Variants in PRDM16 observed in about 807,000 individuals in gnomAD.
PRDM16 encodes histone-lysine N-methyltransferase PRDM16.
A neutral mutation model predicts 110.6 loss-of-function variants in PRDM16; 23 were observed. The observed-to-expected ratio is 0.21, with a 90% CI of 0.15 to 0.29. The LOEUF (loss-of-function observed/expected upper bound fraction) is 0.29, where lower values mean the gene tolerates loss of function less well. Among genes scored for constraint, PRDM16 ranks in the 10% least tolerant of loss-of-function variants. The pLI, the probability that PRDM16 is intolerant of heterozygous loss-of-function variation, is 1.00. For synonymous variants in PRDM16, 799 were observed against 781.8 expected, an observed-to-expected ratio of 1.02 and a Z score of -0.37; for missense variants, 1,615 against 1,794.3, an observed-to-expected ratio of 0.90 and a Z score of 1.81.
At chr1:3,393,988 G>C (rs1481340704) in intron 4 of PRDM16, among the ~76,000 whole-genome samples, 1 of 152,168 alleles carries the variant, frequency 6.6e-6, no homozygotes, top group African/African-American at 2.4e-5. Flanking sequence ...GGCCCGGCGC[G>C]CTAGACCCTC....
At chr1:3,297,575 C>T (rs1346921103) in intron 3 of PRDM16, among the ~76,000 whole-genome samples, 8 of 152,084 alleles carry the variant, frequency 5.3e-5, no homozygotes, top group Non-Finnish European at 8.8e-5. Flanking sequence ...CGAACCACTG[C>T]GCCCGGCCTG....
intron 3 of PRDM16, among the ~76,000 whole-genome samples, chr1:3,317,846 C>G (rs1026295178): frequency 3.3e-5 from 5 of 152,246 alleles, no homozygotes; most frequent in Admixed American, 6.5e-5. Flanking sequence ...GGCTGGTTAA[C>G]TTCATATCCC....
At chr1:3,406,821 A>G (rs1219899097) in intron 8 of PRDM16, among the ~76,000 whole-genome samples, 2 of 152,242 alleles carry the variant, frequency 1.3e-5, no homozygotes, top group African/African-American at 4.8e-5. Flanking sequence ...TGCAGGGACT[A>G]TGACCCTGAT....
At chr1:3,348,161 G>A (rs891781487) in intron 3 of PRDM16, among the ~76,000 whole-genome samples, 1 of 152,184 alleles carries the variant, frequency 6.6e-6, no homozygotes, top group Admixed American at 6.5e-5. Flanking sequence ...GTCCCAGCCT[G>A]GGGGGTCTGG....
intron 3 of PRDM16, among the ~76,000 whole-genome samples, chr1:3,250,994 T>C (rs2100217900): frequency 6.6e-6 from 1 of 152,332 alleles, no homozygotes; most frequent in East Asian, 1.9e-4. Flanking sequence ...GGGACCCTGC[T>C]GTCATCAGAA....
chr1:3,385,038 C>T (rs1173587872), intron 3 of PRDM16, 114 bp from the exon 4 acceptor site: 18 of 1,348,080 alleles, frequency 1.3e-5, no homozygotes, highest in Middle Eastern at 2.6e-4. Context: ...GTCTGGACGC[C>T]GACTTGCCTT....
chr1:3,284,469 C>T (rs1305518092), intron 3 of PRDM16, among the ~76,000 whole-genome samples: 1 of 152,108 alleles, frequency 6.6e-6, no homozygotes, highest in Admixed American at 6.6e-5. Context: ...GTTTGTTTCC[C>T]GGTGGCCTAG....
At chr1:3,302,016 G>T (rs777483484) in intron 3 of PRDM16, among the ~76,000 whole-genome samples, 4 of 152,186 alleles carry the variant, frequency 2.6e-5, no homozygotes, top group Non-Finnish European at 4.4e-5. Flanking sequence ...GATATAAGTA[G>T]ACGGTTCATT....
intron 3 of PRDM16, among the ~76,000 whole-genome samples, chr1:3,297,154 G>A (rs999490219): frequency 6.6e-5 from 10 of 152,284 alleles, no homozygotes; most frequent in African/African-American, 1.7e-4. Flanking sequence ...TCCTCTGTCC[G>A]CTTTCTGCCC....
chr1:3,343,546 C>T (rs1280792992), intron 3 of PRDM16, among the ~76,000 whole-genome samples: 1 of 151,580 alleles, frequency 6.6e-6, no homozygotes, highest in Non-Finnish European at 1.5e-5. Flanking sequence ...GCTCTTCTCT[C>T]CTCCTGGGAC....
intron 1 of PRDM16, among the ~76,000 whole-genome samples, chr1:3,118,122 T>C (rs147422225): frequency 0.019 from 2,863 of 149,188 alleles, 34 homozygotes; most frequent in South Asian, 0.046. Flanking sequence ...TGCGTGTGCG[T>C]GTGTGCGTGT....
chr1:3,172,168 G>T (rs1440902478), intron 1 of PRDM16, among the ~76,000 whole-genome samples: 4 of 152,192 alleles, frequency 2.6e-5, no homozygotes, highest in Non-Finnish European at 5.9e-5. Flanking sequence ...CAGGTGAGGG[G>T]CAGGGCATAC....
At chr1:3,310,299 C>A (rs78855622) in intron 3 of PRDM16, among the ~76,000 whole-genome samples, 13,469 of 152,168 alleles carry the variant, frequency 0.089, 1,903 homozygotes, top group African/African-American at 0.3. Context: ...GTGCACACAC[C>A]TTTCCCCTCC....
intron 1 of PRDM16, among the ~76,000 whole-genome samples, chr1:3,123,667 G>A (rs1643143970): frequency 6.6e-6 from 1 of 152,242 alleles, no homozygotes; most frequent in Non-Finnish European, 1.5e-5. Flanking sequence ...GGCCAAGCTG[G>A]CGTGAAGCTG....
rs578213887 is a variant in PRDM16 at position 3,148,169 on chromosome 1, G to A, written c.38-37956G>A. Among the ~76,000 whole-genome samples, 1 of 152,162 alleles carries A rather than the reference G, an allele frequency of 6.6e-6. No individual in the cohort carries two copies. Among genetic ancestry groups the A allele is most frequent in the South Asian group, 2.1e-4 (1 of 4,806 alleles). ...TGTGGGAGGGGCTGGGCTGAGAGGT[G>A]GGAAGGAGCCCCCGGATGAGTGAAG... On this transcript the variant is annotated intron_variant, in intron 1 of 16. Transcript: ENST00000270722. This position sits in a 1 kb window ranked among gnomAD's most constrained non-coding sequence, Gnocchi z 5.0.
intron 3 of PRDM16, among the ~76,000 whole-genome samples, chr1:3,322,071 C>T (rs1286736504): frequency 6.6e-6 from 1 of 150,708 alleles, no homozygotes; most frequent in Non-Finnish European, 1.5e-5. Context: ...GGGGAGTGCA[C>T]GTGTGTGAGG....
intron 2 of PRDM16, among the ~76,000 whole-genome samples, chr1:3,203,567 G>A (rs947848592): frequency 3.4e-5 from 5 of 148,274 alleles, no homozygotes; most frequent in South Asian, 2.1e-4. Context: ...GGTGGGGTCC[G>A]TGCGTTTCTC....
chr1:3,297,550 G>A (rs539300430), intron 3 of PRDM16, among the ~76,000 whole-genome samples: 4 of 152,094 alleles, frequency 2.6e-5, no homozygotes, highest in Non-Finnish European at 5.9e-5. Context: ...TCCAAAAACG[G>A]TGGGATTGCA....
intron 3 of PRDM16, among the ~76,000 whole-genome samples, chr1:3,277,634 G>A (rs774204780): frequency 2.6e-5 from 4 of 152,232 alleles, no homozygotes; most frequent in Non-Finnish European, 4.4e-5. Context: ...TCAAAGGTCG[G>A]GGACTGGGCA....
Sources: gnomAD v4.1 joint callset for allele counts (sites outside exome capture counted in the v4.1 genomes callset) on GRCh38, gnomAD v4.1.1 for gene constraint, Gnocchi (gnomAD v3.1) non-coding constraint, MANE v1.5 for transcripts, NCBI Gene and HGNC (gene_info 2026-07-23, HGNC 2026-07-21) for gene names.